Variants in DIP2C observed in about 807,000 individuals in gnomAD.
DIP2C encodes the protein disco-interacting protein 2 homolog C.
In DIP2C, 33 loss-of-function variants were observed where a neutral mutation model predicts 192.4. That is an observed-to-expected ratio of 0.17 (90% CI 0.13 to 0.23). The LOEUF is 0.23. Among genes scored for constraint, DIP2C ranks in the 10% least tolerant of loss-of-function variants. The pLI is 1.00. For synonymous variants in DIP2C, 979 were observed against 864.1 expected (o/e 1.13, Z -2.33); for missense variants, 1,537 against 2,110.1 (o/e 0.73, Z 5.32).
At chr10:337,526 CGT>C (rs1021339892) in intron 29 of DIP2C, among the ~76,000 whole-genome samples, 1 of 107,034 alleles carries the variant, frequency 9.3e-6, no homozygotes, top group South Asian at 3.4e-4. Flanking sequence ...TGTGTGCGTG[CGT>C]GTGTGTTGTA....
intron 1 of DIP2C, among the ~76,000 whole-genome samples, chr10:583,555 CA>C (rs1564230378): frequency 2.6e-5 from 4 of 152,202 alleles, no homozygotes. Context: ...TGAAAGCACA[CA>C]GGTCAGGGCC....
rs147957983 is a variant in DIP2C at position 592,657 on chromosome 10, A to T, written c.85+96837T>A. ...AACCCTGTTTGGAGGCACATCTAGA[A>T]AAAAGCAAAATAATGACAACACTAT... On this transcript the variant is annotated intron_variant, in intron 1 of 36. Transcript: ENST00000280886. Among the ~76,000 whole-genome samples, 924 of 152,318 alleles carry T rather than the reference A, an allele frequency of 6.1e-3. 19 individuals carry two copies. The highest frequency in any genetic ancestry group is 0.021 in the African/African-American group (873 of 41,534).
At chr10:646,952 T>C (rs911126903) in intron 1 of DIP2C, among the ~76,000 whole-genome samples, 4 of 152,282 alleles carry the variant, frequency 2.6e-5, no homozygotes, top group Admixed American at 6.5e-5. Context: ...TTAAAAACAA[T>C]GTTTCTTCCT....
At position 361,378 on chromosome 10, in the gene DIP2C, G is replaced by A. The variant is rs999039519; in HGVS notation, c.2794+1112C>T. On this transcript the variant is annotated intron_variant, in intron 22 of 36. Transcript: ENST00000280886. ...CCCACTGGGTTTTCCTGACCTCGGC[G>A]TGAGGCTGCTGGCTGCTCTCTCTCG... Among the ~76,000 whole-genome samples, 13 of 152,282 alleles carry A rather than the reference G, an allele frequency of 8.5e-5. No individual in the cohort carries two copies. The East Asian group carries it at 1.4e-3, about 16-fold the overall frequency.
At chr10:607,078 AGCACGGCCT>A (rs200620185) in intron 1 of DIP2C, among the ~76,000 whole-genome samples, 2 of 152,210 alleles carry the variant, frequency 1.3e-5, no homozygotes, top group Non-Finnish European at 2.9e-5. Context: ...GCCTGGGCCC[AGCACGGCCT>A]GCACGGCACC....
chr10:565,949 C>G (rs1350996392), intron 1 of DIP2C, among the ~76,000 whole-genome samples: 1 of 152,212 alleles, frequency 6.6e-6, no homozygotes, highest in Admixed American at 6.5e-5. Context: ...AGATCCACGT[C>G]ACCCACTCTC....
At position 390,346 on chromosome 10, in the gene DIP2C, G is replaced by A; in HGVS notation, c.1412C>T (p.Thr471Ile). The A allele has an allele frequency of 6.2e-7, 1 of 1,614,008 alleles. No homozygotes were observed. Among genetic ancestry groups the A allele is most frequent in the Non-Finnish European group, 8.5e-7 (1 of 1,180,012 alleles). ...KGWPKLLWFVTESKHLSKPPR... is the reference protein window; with the variant it reads ...KGWPKLLWFVIESKHLSKPPR... The stretch of plus-strand genomic sequence containing the variant: ...CGGTTTGGAGAGATGTTTAGACTCT[G>A]TGACAAACCACAGCAGCTTTGGCCA... The change falls in exon 12 of 37, where the codon ACA becomes ATA. Residue 471 changes from threonine (T) to isoleucine (I), a missense_variant. Thr to Ile is a moderately conservative substitution (Grantham distance 89). Transcript: ENST00000280886.
intron 7 of DIP2C, 142 bp from the exon 8 acceptor site, chr10:414,252 T>C (rs1471993372): frequency 4.7e-6 from 5 of 1,056,020 alleles, no homozygotes; most frequent in Non-Finnish European, 4.0e-6. Context: ...TTTTCTAGAA[T>C]TGGGGTCTAT....
At chr10:595,667 G>C (rs760427755) in intron 1 of DIP2C, among the ~76,000 whole-genome samples, 1 of 152,178 alleles carries the variant, frequency 6.6e-6, no homozygotes, top group Non-Finnish European at 1.5e-5. Flanking sequence ...AGGACACCCC[G>C]GGTTTACCGA....
chr10:676,864 G>C (rs1412737932), intron 1 of DIP2C, among the ~76,000 whole-genome samples: 1 of 152,074 alleles, frequency 6.6e-6, no homozygotes, highest in Non-Finnish European at 1.5e-5. Context: ...GAGGTTTAGT[G>C]TTCTATAGCC....
chr10:659,080 T>G (rs2132067141), intron 1 of DIP2C, among the ~76,000 whole-genome samples: 1 of 151,844 alleles, frequency 6.6e-6, no homozygotes, highest in South Asian at 2.1e-4. Context: ...CATACAACAC[T>G]CAAACACACA....
At chr10:417,728 G>A (rs12774991) in intron 6 of DIP2C, among the ~76,000 whole-genome samples, 1,302 of 109,658 alleles carry the variant, frequency 0.012, 129 homozygotes, top group Middle Eastern at 0.018. Flanking sequence ...CTCCCTGTCT[G>A]CCTGCGCCTG....
At position 584,665 on chromosome 10, in the gene DIP2C, G is replaced by T. The variant is rs1269355139; in HGVS notation, c.86-98135C>A. Among the ~76,000 whole-genome samples, 4 of 76,424 alleles carry T rather than the reference G, an allele frequency of 5.2e-5. No homozygotes were observed. In the East Asian group the frequency reaches 1.8e-3, roughly 34 times the overall value. The allele number at this position is 76,424 out of a possible 152,430, so 50.1% of individuals were successfully genotyped here. A position where few individuals can be genotyped will look rare whatever the true frequency, so the allele number is the denominator to read the frequency against. ...GCATCACCTCTCAATCTCGGGGCCC[G>T]CAACCTGACCCCCACTCACGCGCAT... On this transcript the variant is annotated intron_variant, in intron 1 of 36. Coordinates refer to ENST00000280886, the MANE Select transcript of DIP2C (RefSeq NM_014974.3).
chr10:390,924 G>C, intron 10 of DIP2C, 61 bp from the exon 11 acceptor site: 1 of 1,593,010 alleles, frequency 6.3e-7, no homozygotes, highest in Non-Finnish European at 8.5e-7. Flanking sequence ...CCCAGCCTTC[G>C]GCCCTCCCTC....
Position 277,163 on chromosome 10 carries a change from C to G in DIP2C, c.*162G>C, listed in dbSNP as rs760148791. On this transcript the variant is annotated 3_prime_UTR_variant, in exon 37 of 37. Transcript: ENST00000280886. ...ATTCACATTTCACCCCCATGCCAAT[C>G]GTGGCTGCTGTGAGAAGTCCTCTTC... is the stretch of plus-strand genomic sequence containing the variant. 48 of 1,041,562 alleles carry G rather than the reference C, an allele frequency of 4.6e-5. No homozygotes were observed. The South Asian group carries it at 6.2e-4, about 14-fold the overall frequency. 64.5% of individuals were successfully genotyped at this position (1,041,562 alleles called of 1,614,324 possible). A position where few individuals can be genotyped will look rare whatever the true frequency, so the allele number is the denominator to read the frequency against.
chr10:413,201 TG>T (rs1965297641), intron 8 of DIP2C, among the ~76,000 whole-genome samples: 1 of 152,216 alleles, frequency 6.6e-6, no homozygotes, highest in Non-Finnish European at 1.5e-5. Context: ...TGCCCCTCCA[TG>T]GCCTCTTATC....
intron 16 of DIP2C, among the ~76,000 whole-genome samples, chr10:383,084 A>C (rs1012824880): frequency 2.6e-5 from 4 of 152,234 alleles, no homozygotes; most frequent in African/African-American, 9.6e-5. Flanking sequence ...CCAAATGAAG[A>C]AAACTTTCCT....
chr10:348,082 G>C (rs968800787), intron 26 of DIP2C, among the ~76,000 whole-genome samples: 1 of 152,098 alleles, frequency 6.6e-6, no homozygotes, highest in African/African-American at 2.4e-5. Flanking sequence ...CACTTTCTAG[G>C]AGTGGCCACT....
intron 1 of DIP2C, among the ~76,000 whole-genome samples, chr10:570,862 C>T (rs182079438): frequency 7.9e-5 from 12 of 152,374 alleles, no homozygotes; most frequent in Non-Finnish European, 1.6e-4. Flanking sequence ...TAATTAAAAG[C>T]GTGTTTCATT....
Sources: gnomAD v4.1 joint callset for allele counts (sites outside exome capture counted in the v4.1 genomes callset) on GRCh38, gnomAD v4.1.1 for gene constraint, MANE v1.5 for transcripts, NCBI Gene and HGNC (gene_info 2026-07-23, HGNC 2026-07-21) for gene names.